The following PTPDC1 variants were observed in gnomAD, a reference collection of about 807,000 sequenced individuals.
PTPDC1 encodes the protein protein tyrosine phosphatase domain containing 1.
Under a neutral mutation model 75.3 loss-of-function variants are expected in PTPDC1, and 53 were observed. The observed-to-expected ratio is 0.70, with a 90% CI of 0.56 to 0.88. The LOEUF is 0.88. Among genes scored for constraint, PTPDC1 ranks in the 40% least tolerant of loss-of-function variants. The pLI is 0.00. For synonymous variants in PTPDC1, 349 were observed against 366.2 expected (o/e 0.95, Z 0.54); for missense variants, 925 against 998.6 (o/e 0.93, Z 0.99).
chr9:94,049,548 C>G (rs1825722139), intron 1 of PTPDC1, among the ~76,000 whole-genome samples: 1 of 152,220 alleles, frequency 6.6e-6, no homozygotes, highest in African/African-American at 2.4e-5. Flanking sequence ...GGCCCCCACT[C>G]TCTTCTGGCT....
In PTPDC1 at chr9:94,108,098, C is replaced by A. The variant is rs1403672945; in HGVS notation, c.*154C>A. The A allele has an allele frequency of 2.5e-6, 1 of 407,932 alleles. No homozygotes were observed. The highest frequency in any genetic ancestry group is 2.1e-5 in the African/African-American group (1 of 48,494). 25.3% of individuals were successfully genotyped at this position (407,932 alleles called of 1,614,324 possible). On this transcript the variant is annotated 3_prime_UTR_variant, in exon 9 of 9. Coordinates refer to ENST00000620992, the MANE Select transcript of PTPDC1 (RefSeq NM_001253829.2). ...TGAGAATGGTCGTCCGTATTTGAAC[C>A]AATTATTTATTTTAAAATATATTTA...
chr9:94,064,787 G>GGTGAAT, exon 2 of PTPDC1: 3 of 1,613,568 alleles, frequency 1.9e-6, no homozygotes, highest in Non-Finnish European at 1.7e-6. Flanking sequence ...ATTCTACCTT[G>GGTGAAT]GTGAATAACA....
chr9:94,080,875 A>C (rs1826854554), upstream of PTPDC1, among the ~76,000 whole-genome samples: 1 of 152,062 alleles, frequency 6.6e-6, no homozygotes, highest in African/African-American at 2.4e-5. Context: ...ATTTGGGGTA[A>C]TTTTCAAGAA....
At chr9:94,040,116 T>C (rs1587836756) in intron 1 of PTPDC1, among the ~76,000 whole-genome samples, 2 of 152,286 alleles carry the variant, frequency 1.3e-5, no homozygotes, top group East Asian at 3.9e-4. Flanking sequence ...CCTTACAGGA[T>C]TCAAACAAAG....
In PTPDC1 at chr9:94,064,718, A is replaced by T. The variant is rs192453827; in HGVS notation, c.-6-16A>T. On this transcript the variant is annotated splice_polypyrimidine_tract_variant and intron_variant, in intron 1 of 9. Coordinates refer to the PTPDC1 transcript ENST00000375360. ...TCCCAAGGCAAACTTTCAAAAAATA[A>T]TTTTTTTTCCAACAGACTACCATGG... 2.9e-4 allele frequency: 470 copies of T among 1,597,346 alleles called. 6 individuals carry two copies. In the African/African-American group the frequency reaches 5.5e-3, roughly 19 times the overall value.
At position 94,073,546 on chromosome 9, in the gene PTPDC1, C is replaced by T. The variant is rs142043712; in HGVS notation, c.82+8725C>T. On this transcript the variant is annotated intron_variant, in intron 2 of 9. Coordinates refer to the PTPDC1 transcript ENST00000375360. ...TTATTAATTTTCTTCACAGAGCCAG[C>T]TTCTTATATCACTGATTTGCACTGT... is the stretch of plus-strand genomic sequence containing the variant. 8.4e-3 allele frequency among the ~76,000 whole-genome samples: 1,279 copies of T among 152,230 alleles called. 40 individuals carry two copies. The highest frequency in any genetic ancestry group is 0.053 in the Admixed American group (815 of 15,286).
chr9:94,085,604 T>C (rs1343405687), intron 2 of PTPDC1, among the ~76,000 whole-genome samples, 182 bp downstream of exon 2: 3 of 152,220 alleles, frequency 2.0e-5, no homozygotes, highest in African/African-American at 4.8e-5. Flanking sequence ...TCAGTTTCTT[T>C]ATCTGTAAGG....
chr9:94,095,603 C>T (rs922415391), intron 5 of PTPDC1, 149 bp downstream of exon 5: 1 of 609,838 alleles, frequency 1.6e-6, no homozygotes, highest in African/African-American at 1.9e-5. Flanking sequence ...TGTTCTGTAC[C>T]ACTGTAGGGT....
At chr9:94,070,986 A>AT (rs1473487060) in intron 2 of PTPDC1, among the ~76,000 whole-genome samples, 2 of 152,124 alleles carry the variant, frequency 1.3e-5, no homozygotes, top group African/African-American at 2.4e-5. Flanking sequence ...TCATGTACAG[A>AT]TTTTTGTGTG....
At chr9:94,085,518 G>A (rs1390848015) in intron 2 of PTPDC1, 96 bp downstream of exon 2, 6 of 1,355,728 alleles carry the variant, frequency 4.4e-6, no homozygotes, top group African/African-American at 4.3e-5. Flanking sequence ...AGCAGTGTGG[G>A]ACTTTGAAGT....
At chr9:94,107,310 T>G (rs141719922) in intron 8 of PTPDC1, among the ~76,000 whole-genome samples, 12 of 152,294 alleles carry the variant, frequency 7.9e-5, no homozygotes, top group African/African-American at 2.9e-4. Flanking sequence ...CGCTATCCTA[T>G]GAAGGTGGGT....
At chr9:94,093,014 C>T (rs972331564) in intron 4 of PTPDC1, among the ~76,000 whole-genome samples, 29 of 151,734 alleles carry the variant, frequency 1.9e-4, no homozygotes, top group Admixed American at 3.3e-4. Flanking sequence ...ATACAGCACA[C>T]TGATGGGTCT....
At chr9:94,078,109 A>G (rs984079004) in intron 2 of PTPDC1, among the ~76,000 whole-genome samples, 3 of 152,182 alleles carry the variant, frequency 2.0e-5, no homozygotes, top group African/African-American at 4.8e-5. Flanking sequence ...CTAATTTGCC[A>G]GTGTCCTTTC....
upstream of PTPDC1, among the ~76,000 whole-genome samples, chr9:94,083,214 TGTTGCCCTTAGGGTCCTGA>T (rs1826945168): frequency 6.6e-6 from 1 of 152,230 alleles, no homozygotes; most frequent in Non-Finnish European, 1.5e-5. Flanking sequence ...GCTGTTTCTG[TGTTGCCCTTAGGGTCCTGA>T]GGGCCTTGCC....
upstream of PTPDC1, among the ~76,000 whole-genome samples, chr9:94,079,611 T>C (rs979226648): frequency 2.0e-5 from 3 of 152,352 alleles, no homozygotes; most frequent in Admixed American, 6.5e-5. Flanking sequence ...GTTACTCTTA[T>C]TAATAACTGC....
At chr9:94,107,751 C>T (rs992621681) in intron 8 of PTPDC1, 77 bp from the exon 9 acceptor site, 10 of 680,552 alleles carry the variant, frequency 1.5e-5, no homozygotes, top group Middle Eastern at 8.3e-4. Context: ...TTTTTCTCCA[C>T]CCCCTCCTTC....
chr9:94,066,853 C>T (rs1187237977), intron 2 of PTPDC1, among the ~76,000 whole-genome samples: 1 of 151,214 alleles, frequency 6.6e-6, no homozygotes, highest in African/African-American at 2.4e-5. Flanking sequence ...CCACCATGCC[C>T]GGCCATAAAA....
rs1827670317 is a variant in PTPDC1 at position 94,097,893 on chromosome 9, AGGC to A, written c.1331_1333del (p.Arg444del). ...CCTTCAACCCCTGACTCATCTGAAAAGGCGGCTCAGCTACAGTGACTCAGATTT... is the reference window on the plus strand; with the variant it reads ...CCTTCAACCCCTGACTCATCTGAAAAGGCTCAGCTACAGTGACTCAGATTT... On this transcript the variant is annotated inframe_deletion, in exon 6 of 9. Coordinates refer to ENST00000620992, the MANE Select transcript of PTPDC1 (RefSeq NM_001253829.2). 8 of 1,614,084 alleles carry A rather than the reference AGGC, an allele frequency of 5.0e-6. No homozygotes were observed. In the East Asian group the frequency reaches 1.8e-4, roughly 36 times the overall value.
chr9:94,095,566 C>G (rs1827533561), intron 5 of PTPDC1, 112 bp downstream of exon 5: 14 of 846,634 alleles, frequency 1.7e-5, no homozygotes, highest in Non-Finnish European at 2.2e-5. Context: ...GCTTTGGAGT[C>G]AGGTGGAAGA....
Sources: allele counts gnomAD v4.1 joint callset (sites outside exome capture counted in the v4.1 genomes callset), GRCh38; gene constraint gnomAD v4.1.1; transcripts MANE v1.5; gene names NCBI Gene and HGNC (gene_info 2026-07-23, HGNC 2026-07-21).